Variants in SNTG1 observed in about 807,000 individuals in gnomAD.
SNTG1 encodes the protein syntrophin gamma 1.
A neutral mutation model predicts 74.7 loss-of-function variants in SNTG1; 39 were observed. The observed-to-expected ratio is 0.52, with a 90% CI of 0.40 to 0.68. SNTG1 has a LOEUF of 0.68. Among genes scored for constraint, SNTG1 ranks in the 30% least tolerant of loss-of-function variants. The pLI is 0.00. For missense variants in SNTG1, 685 were observed against 609.5 expected (o/e 1.12, Z -1.30); for synonymous variants, 254 against 217.1 (o/e 1.17, Z -1.49).
chr8:50,690,306 C>T (rs971122222), intron 15 of SNTG1, among the ~76,000 whole-genome samples: 10 of 152,050 alleles, frequency 6.6e-5, no homozygotes, highest in Admixed American at 2.0e-4. Context: ...AATGTGTTTG[C>T]TCTTGCTTCT....
At chr8:50,006,558 C>T (rs1288067818) in intron 1 of SNTG1, among the ~76,000 whole-genome samples, 1 of 152,004 alleles carries the variant, frequency 6.6e-6, no homozygotes, top group Non-Finnish European at 1.5e-5. Flanking sequence ...TAAAAGAGGG[C>T]ATTTACCTTG....
chr8:50,772,260 C>G (rs983981183), intron 18 of SNTG1, among the ~76,000 whole-genome samples: 1 of 152,092 alleles, frequency 6.6e-6, no homozygotes, highest in Non-Finnish European at 1.5e-5. Flanking sequence ...TTGAACTGCC[C>G]AAGACCTTAG....
chr8:50,210,927 C>G (rs1250543678), intron 2 of SNTG1, among the ~76,000 whole-genome samples: 1 of 152,120 alleles, frequency 6.6e-6, no homozygotes, highest in Admixed American at 6.6e-5. Context: ...TTTCTCTTAG[C>G]TAAGTCATGT....
At chr8:50,543,507 G>A (rs769889210) in intron 11 of SNTG1, among the ~76,000 whole-genome samples, 8 of 152,058 alleles carry the variant, frequency 5.3e-5, no homozygotes, top group African/African-American at 1.9e-4. Context: ...ATTCTTCCAA[G>A]TAGTTTTATT....
intron 2 of SNTG1, among the ~76,000 whole-genome samples, chr8:50,251,979 C>T (rs1366381627): frequency 6.6e-6 from 1 of 152,006 alleles, no homozygotes; most frequent in Non-Finnish European, 1.5e-5. Flanking sequence ...CAAGTCTAAA[C>T]AGATTTAAGA....
rs36003784 is a variant in SNTG1 at position 50,589,590 on chromosome 8, TAAA to T, written c.811-1277_811-1275del. On this transcript the variant is annotated intron_variant, in intron 12 of 18. Transcript: ENST00000642720. ...AGATGGTTCAGACTATTTTTCAGATTAAAAAAAAAAAAAACATTGCAGTTTACG... is the reference window on the plus strand; with the variant it reads ...AGATGGTTCAGACTATTTTTCAGATTAAAAAAAAAAACATTGCAGTTTACG... 8.1e-3 allele frequency among the ~76,000 whole-genome samples: 1,142 copies of T among 140,202 alleles called. 19 individuals carry two copies. The highest frequency in any genetic ancestry group is 0.026 in the African/African-American group (1,047 of 40,024). 92.0% of individuals were successfully genotyped at this position (140,202 alleles called of 152,430 possible).
chr8:49,963,899 T>C (rs1810915434), intron 1 of SNTG1, among the ~76,000 whole-genome samples: 1 of 152,224 alleles, frequency 6.6e-6, no homozygotes, highest in Non-Finnish European at 1.5e-5. Context: ...CAGCTTCTCA[T>C]CAATGTCTGA....
intron 13 of SNTG1, among the ~76,000 whole-genome samples, chr8:50,597,174 C>T (rs1173986188): frequency 1.3e-5 from 2 of 151,604 alleles, no homozygotes; most frequent in African/African-American, 4.8e-5. Context: ...TGATGTTTGT[C>T]TTTCTATGCA....
chr8:50,328,373 A>C (rs1466127729), intron 2 of SNTG1, among the ~76,000 whole-genome samples: 1 of 151,012 alleles, frequency 6.6e-6, no homozygotes. Context: ...ATGGTGTATT[A>C]GTTTTTTTTG....
At chr8:50,297,158 A>G (rs748989373) in intron 2 of SNTG1, among the ~76,000 whole-genome samples, 1 of 152,202 alleles carries the variant, frequency 6.6e-6, no homozygotes, top group Non-Finnish European at 1.5e-5. Context: ...ATGATTGCAC[A>G]TGACAGTATG....
At chr8:50,541,724 C>A (rs1379796321) in intron 11 of SNTG1, among the ~76,000 whole-genome samples, 1 of 151,988 alleles carries the variant, frequency 6.6e-6, no homozygotes, top group Non-Finnish European at 1.5e-5. Context: ...TTATAAACTA[C>A]AGTCACCTTA....
chr8:50,510,107 G>T (rs956669085), intron 9 of SNTG1, among the ~76,000 whole-genome samples: 1 of 152,118 alleles, frequency 6.6e-6, no homozygotes, highest in African/African-American at 2.4e-5. Flanking sequence ...CTAATTTATT[G>T]AGAGTTTTTA....
At chr8:50,085,943 G>A (rs548664548) in intron 1 of SNTG1, among the ~76,000 whole-genome samples, 3 of 152,016 alleles carry the variant, frequency 2.0e-5, no homozygotes, top group Admixed American at 1.3e-4. Flanking sequence ...ATTTTCTGCC[G>A]GCCTGAGGAC....
chr8:50,597,946 T>C (rs1472408795), intron 13 of SNTG1, among the ~76,000 whole-genome samples: 1 of 151,996 alleles, frequency 6.6e-6, no homozygotes, highest in Non-Finnish European at 1.5e-5. Flanking sequence ...GAGCTTCTTA[T>C]ATATTACGGT....
intron 12 of SNTG1, among the ~76,000 whole-genome samples, chr8:50,558,950 C>A (rs2094471876): frequency 6.6e-6 from 1 of 151,950 alleles, no homozygotes; most frequent in African/African-American, 2.4e-5. Context: ...ATACTGTGTT[C>A]TATTTTTTTG....
At chr8:50,404,833 G>A (rs7815212) in intron 4 of SNTG1, among the ~76,000 whole-genome samples, 7,103 of 152,024 alleles carry the variant, frequency 0.047, 214 homozygotes, top group Middle Eastern at 0.096. Context: ...TTAACCCCTG[G>A]TAACCACTGT....
intron 1 of SNTG1, among the ~76,000 whole-genome samples, chr8:50,092,001 C>T (rs150610900): frequency 2.8e-4 from 43 of 152,194 alleles, no homozygotes; most frequent in African/African-American, 1.0e-3. Flanking sequence ...AAACCAAAAA[C>T]TCAAACCAAT....
At chr8:50,155,411 A>G (rs1438948504) in intron 1 of SNTG1, among the ~76,000 whole-genome samples, 1 of 152,186 alleles carries the variant, frequency 6.6e-6, no homozygotes, top group Non-Finnish European at 1.5e-5. Context: ...AAAATTAGCT[A>G]AAAGTGTATT....
intron 13 of SNTG1, among the ~76,000 whole-genome samples, chr8:50,603,677 G>A (rs1353062502): frequency 2.6e-5 from 4 of 152,068 alleles, no homozygotes; most frequent in South Asian, 2.1e-4. Context: ...CCAGCTATTC[G>A]ATGCAACTTG....
Sources: gnomAD v4.1 joint callset for allele counts (sites outside exome capture counted in the v4.1 genomes callset) on GRCh38, gnomAD v4.1.1 for gene constraint, MANE v1.5 for transcripts, NCBI Gene and HGNC (gene_info 2026-07-23, HGNC 2026-07-21) for gene names.